Variants in GLDC observed in about 807,000 individuals in gnomAD.
The protein encoded by GLDC is glycine dehydrogenase (decarboxylating), mitochondrial.
In GLDC, 104 loss-of-function variants were observed where a neutral mutation model predicts 121.3. The ratio of observed to expected loss-of-function variants is 0.86; its 90% confidence interval spans 0.73 to 1.01. GLDC has a LOEUF of 1.01. Among genes scored for constraint, GLDC ranks in the 50% least tolerant of loss-of-function variants. The probability of loss-of-function intolerance (pLI) is 0.00; values close to 1 mark genes in which losing one functional copy is unlikely to be tolerated. For synonymous variants in GLDC, 546 were observed against 480.6 expected (o/e 1.14, Z -1.78); for missense variants, 1,429 against 1,306.6 (o/e 1.09, Z -1.44).
intron 5 of GLDC, chr9:6,606,237 A>G (rs1818729010): frequency 6.9e-6 from 2 of 288,428 alleles, no homozygotes; most frequent in African/African-American, 2.4e-5. Flanking sequence ...TGAACTTGGG[A>G]GGCGGAGCTT....
Position 6,556,297 on chromosome 9 carries a change from A to C in GLDC, c.2058T>G (p.Asp686Glu). ...IDAVHLKAMV[D>E]KHKENLAAIM... ...TAGCTGCTAGGTTCTCCTTGTGCTT[A>C]TCCACCTGTGAAAGAAAAGGGGTAG... The change falls in exon 18 of 25, where the codon GAT becomes GAG. Residue 686 changes from aspartate to glutamate, a missense_variant. Physicochemically the swap from Asp to Glu is conservative, Grantham distance 45 (BLOSUM62 2). Transcript: ENST00000321612. The C allele has an allele frequency of 6.2e-7, 1 of 1,613,502 alleles. No homozygotes were observed. Among genetic ancestry groups the C allele is most frequent in the Non-Finnish European group, 8.5e-7 (1 of 1,179,384 alleles).
Position 6,536,052 on chromosome 9 carries a change from G to C in GLDC, c.2838+12C>G. 2 of 1,609,350 alleles carry C rather than the reference G, an allele frequency of 1.2e-6. No homozygotes were observed. Among genetic ancestry groups the C allele is most frequent in the Non-Finnish European group, 1.7e-6 (2 of 1,176,578 alleles). ...AAGGAACATTTCAAGCAATGTTCCAGGGCCTACGCACCTTCAGCGGATTGA... is the reference window on the plus strand; with the variant it reads ...AAGGAACATTTCAAGCAATGTTCCACGGCCTACGCACCTTCAGCGGATTGA... On this transcript the variant is annotated intron_variant, in intron 23 of 24. Transcript: ENST00000321612.
intron 2 of GLDC, among the ~76,000 whole-genome samples, chr9:6,629,958 T>TATGTATACATATATATATATATA: frequency 1.3e-5 from 1 of 78,678 alleles, no homozygotes; most frequent in Admixed American, 1.3e-4. Context: ...TATATATATA[T>TATGTATACATATATATATATATA]TTTTTTTTTT....
At position 6,633,852 on chromosome 9, in the gene GLDC, C is replaced by T. The variant is rs1252171638; in HGVS notation, c.334+10762G>A. On this transcript the variant is annotated intron_variant, in intron 2 of 24. Transcript: ENST00000321612. ...TTTTTTTTTTTTTTTTTTTTTGAGA[C>T]GGAGTCTCACTCTGTCGCTCAGGCT... is the stretch of plus-strand genomic sequence containing the variant. Among the ~76,000 whole-genome samples, 17 of 75,752 alleles carry T rather than the reference C, an allele frequency of 2.2e-4. 1 individual carries two copies. Among genetic ancestry groups the T allele is most frequent in the African/African-American group, 1.1e-3 (15 of 14,030 alleles). 49.7% of individuals were successfully genotyped at this position (75,752 alleles called of 152,430 possible). A position where few individuals can be genotyped will look rare whatever the true frequency, so the allele number is the denominator to read the frequency against.
intron 9 of GLDC, 71 bp from the exon 10 acceptor site, chr9:6,593,061 A>C: frequency 6.6e-7 from 1 of 1,523,026 alleles, no homozygotes; most frequent in South Asian, 1.1e-5. Flanking sequence ...ATGTCACAGA[A>C]TAATAAAGAG....
intron 2 of GLDC, among the ~76,000 whole-genome samples, chr9:6,630,821 C>T (rs562380274): frequency 1.3e-5 from 2 of 152,248 alleles, no homozygotes; most frequent in Admixed American, 1.3e-4. Flanking sequence ...CTGATCCTTT[C>T]CCCAACATCA....
chr9:6,623,609 C>A (rs1191201552), intron 2 of GLDC, among the ~76,000 whole-genome samples: 4 of 147,478 alleles, frequency 2.7e-5, no homozygotes, highest in African/African-American at 1.0e-4. Flanking sequence ...CAAGAATGAT[C>A]AATAAAAAAA....
At chr9:6,620,767 C>T (rs923657988) in intron 2 of GLDC, among the ~76,000 whole-genome samples, 8 of 152,338 alleles carry the variant, frequency 5.3e-5, no homozygotes, top group Middle Eastern at 3.4e-3. Flanking sequence ...TCTACATTTT[C>T]TCTAAAATTG....
chr9:6,591,693 T>C (rs1818377767), intron 11 of GLDC, among the ~76,000 whole-genome samples: 1 of 152,140 alleles, frequency 6.6e-6, no homozygotes, highest in South Asian at 2.1e-4. Flanking sequence ...GAAGCAATTC[T>C]CCCACCTCAG....
At chr9:6,577,028 G>A (rs1049560133) in intron 15 of GLDC, among the ~76,000 whole-genome samples, 43 of 152,226 alleles carry the variant, frequency 2.8e-4, no homozygotes, top group African/African-American at 1.0e-3. Flanking sequence ...AAAGAGAAAG[G>A]TCCCTGCTGC....
At chr9:6,629,701 A>C (rs1424221193) in intron 2 of GLDC, among the ~76,000 whole-genome samples, 2 of 151,766 alleles carry the variant, frequency 1.3e-5, no homozygotes, top group African/African-American at 2.4e-5. Context: ...CTCAATTATA[A>C]GGGAAAATGT....
At chr9:6,535,625 C>T (rs890783511) in intron 23 of GLDC, among the ~76,000 whole-genome samples, 9 of 152,134 alleles carry the variant, frequency 5.9e-5, no homozygotes, top group Non-Finnish European at 1.3e-4. Context: ...TTGGAAGCGG[C>T]AGAGTAATGC....
chr9:6,644,406 C>G (rs1392474907), intron 2 of GLDC: 4 of 616,864 alleles, frequency 6.5e-6, no homozygotes, highest in Non-Finnish European at 1.2e-5. Context: ...CCGCACAACA[C>G]CGACTCTCTC....
At chr9:6,612,816 C>T (rs1374332176) in intron 3 of GLDC, among the ~76,000 whole-genome samples, 1 of 152,130 alleles carries the variant, frequency 6.6e-6, no homozygotes, top group Non-Finnish European at 1.5e-5. Context: ...GAGCCAAGAT[C>T]ATGCCACTGC....
chr9:6,609,411 A>G (rs1415034117), intron 4 of GLDC, among the ~76,000 whole-genome samples: 1 of 152,166 alleles, frequency 6.6e-6, no homozygotes, highest in African/African-American at 2.4e-5. Flanking sequence ...GTCCTACTCT[A>G]TGGGCCTGAG....
In GLDC at chr9:6,590,932, C is replaced by G. The variant is rs182965535; in HGVS notation, c.1482+1211G>C. ...TTGAAGTCCTCTCTCAAAGAGGGCACAGATAAGCAAGACAGCACCACTCAG... is the reference window on the plus strand; with the variant it reads ...TTGAAGTCCTCTCTCAAAGAGGGCAGAGATAAGCAAGACAGCACCACTCAG... On this transcript the variant is annotated intron_variant, in intron 11 of 24. Transcript: ENST00000321612. Among the ~76,000 whole-genome samples the G allele has an allele frequency of 2.0e-3, 308 of 152,288 alleles. 1 individual carries two copies. The highest frequency in any genetic ancestry group is 7.1e-3 in the African/African-American group (294 of 41,566).
At chr9:6,612,172 TACAC>T (rs33971598) in intron 3 of GLDC, among the ~76,000 whole-genome samples, 1 of 150,958 alleles carries the variant, frequency 6.6e-6, no homozygotes, top group Non-Finnish European at 1.5e-5. Flanking sequence ...TTCTGTTGTA[TACAC>T]ACACACACAC....
intron 17 of GLDC, among the ~76,000 whole-genome samples, chr9:6,556,791 G>A (rs867185771): frequency 3.7e-5 from 4 of 108,292 alleles, no homozygotes; most frequent in Non-Finnish European, 7.3e-5. Flanking sequence ...GAGACTCCAC[G>A]TCAAAAAAAA....
At position 6,629,013 on chromosome 9, in the gene GLDC, G is replaced by T. The variant is rs1026048707; in HGVS notation, c.335-8694C>A. Reference sequence around the variant, plus strand: ...TCTAGGCATCACTTCCTAAGAATCTGCAGGTAAGAACTTGCGCTGCTTCTG... The same window carrying T: ...TCTAGGCATCACTTCCTAAGAATCTTCAGGTAAGAACTTGCGCTGCTTCTG... On this transcript the variant is annotated intron_variant, in intron 2 of 24. Coordinates refer to ENST00000321612, the MANE Select transcript of GLDC (RefSeq NM_000170.3). Among the ~76,000 whole-genome samples the T allele has an allele frequency of 3.3e-5, 5 of 151,814 alleles. No individual in the cohort carries two copies. The East Asian group carries it at 9.7e-4, about 29-fold the overall frequency.
Sources: allele counts gnomAD v4.1 joint callset (sites outside exome capture counted in the v4.1 genomes callset), GRCh38; gene constraint gnomAD v4.1.1; transcripts MANE v1.5; gene names NCBI Gene and HGNC (gene_info 2026-07-23, HGNC 2026-07-21).